SIAH3: variants seen among roughly 807,000 people sequenced by gnomAD.
SIAH3 encodes the protein siah E3 ubiquitin protein ligase family member 3.
In SIAH3, 9 loss-of-function variants were observed where a neutral mutation model predicts 12.6. That is an observed-to-expected ratio of 0.72 (90% CI 0.43 to 1.25). The LOEUF (loss-of-function observed/expected upper bound fraction) is 1.25, where lower values mean the gene tolerates loss of function less well. Ranked by LOEUF, SIAH3 falls within the 50% of genes most tolerant of loss-of-function variation. The pLI, the probability that SIAH3 is intolerant of heterozygous loss-of-function variation, is 0.00. For missense variants in SIAH3, 390 were observed against 365.4 expected (o/e 1.07, Z -0.55); for synonymous variants, 154 against 151.1 (o/e 1.02, Z -0.14).
intron 1 of SIAH3, among the ~76,000 whole-genome samples, chr13:45,818,039 G>A (rs1950640567): frequency 6.6e-6 from 1 of 152,160 alleles, no homozygotes; most frequent in Non-Finnish European, 1.5e-5. Flanking sequence ...GCCCTAGAGG[G>A]AGCTATTGAC....
At chr13:45,824,912 C>G (rs901806442) in intron 1 of SIAH3, among the ~76,000 whole-genome samples, 1 of 151,508 alleles carries the variant, frequency 6.6e-6, no homozygotes, top group Non-Finnish European at 1.5e-5. Context: ...AACCAAAAAA[C>G]CAAAAAAAGA....
rs545925618 is a variant in SIAH3, at chr13:45,796,938, G to T, written c.136-12881C>A. Among the ~76,000 whole-genome samples, 565 of 152,242 alleles carry T rather than the reference G, an allele frequency of 3.7e-3. 2 individuals are homozygous for T. Among genetic ancestry groups the T allele is most frequent in the African/African-American group, 0.012 (505 of 41,540 alleles). On this transcript the variant is annotated intron_variant, in intron 1 of 1. Transcript: ENST00000400405. The stretch of plus-strand genomic sequence containing the variant: ...TATTTAATAAAAATCTTAGGCTTGG[G>T]GGGCAGGGATGGGAAGGCAGAAGGG...
intron 1 of SIAH3, among the ~76,000 whole-genome samples, chr13:45,849,325 G>T (rs1053969182): frequency 3.3e-5 from 5 of 152,194 alleles, no homozygotes; most frequent in African/African-American, 1.2e-4. Context: ...AGTGAGCTAT[G>T]TCCTCTCAAA....
rs138466447 is a variant in SIAH3, at chr13:45,797,926, C to A, written c.136-13869G>T. ...GGGTCCATGGTTACTTTCATGATGG[C>A]GGTGATAGGGCTGCCCTATTCCAGG... On this transcript the variant is annotated intron_variant, in intron 1 of 1. Coordinates refer to ENST00000400405, the MANE Select transcript of SIAH3 (RefSeq NM_198849.3). Among the ~76,000 whole-genome samples, 728 of 152,216 alleles carry A rather than the reference C, an allele frequency of 4.8e-3. 4 individuals carry two copies. Among genetic ancestry groups the A allele is most frequent in the African/African-American group, 0.017 (692 of 41,538 alleles).
Position 45,844,125 on chromosome 13 carries a change from T to C in SIAH3, c.135+7370A>G, listed in dbSNP as rs140163753. Among the ~76,000 whole-genome samples the C allele has an allele frequency of 3.4e-3, 514 of 152,350 alleles. 5 individuals are homozygous for C. Among genetic ancestry groups the C allele is most frequent in the African/African-American group, 0.012 (483 of 41,588 alleles). On this transcript the variant is annotated intron_variant, in intron 1 of 1. Coordinates refer to ENST00000400405, the MANE Select transcript of SIAH3 (RefSeq NM_198849.3). Reference sequence around the variant, plus strand: ...TGTCTTATGTGGAAATGAAGTATGATTTAAAGAGATGCGTATGGGTGCTAA... The same window carrying C: ...TGTCTTATGTGGAAATGAAGTATGACTTAAAGAGATGCGTATGGGTGCTAA...
chr13:45,815,207 A>C (rs760388880), intron 1 of SIAH3, among the ~76,000 whole-genome samples: 33 of 151,864 alleles, frequency 2.2e-4, no homozygotes, highest in Admixed American at 1.9e-3. Context: ...TGGTACCCAG[A>C]TATTTGGTCA....
chr13:45,786,529 G>C (rs929860909), intron 1 of SIAH3, among the ~76,000 whole-genome samples: 1 of 152,138 alleles, frequency 6.6e-6, no homozygotes, highest in African/African-American at 2.4e-5. Context: ...ACTCTAATCT[G>C]TTTCACTGTT....
At chr13:45,794,523 A>G (rs1011399594) in intron 1 of SIAH3, among the ~76,000 whole-genome samples, 1 of 152,096 alleles carries the variant, frequency 6.6e-6, no homozygotes, top group African/African-American at 2.4e-5. Context: ...GTGTTGTGGG[A>G]GGGACCCGGT....
chr13:45,826,715 A>G (rs889118816), intron 1 of SIAH3, among the ~76,000 whole-genome samples: 2 of 152,152 alleles, frequency 1.3e-5, no homozygotes, highest in African/African-American at 4.8e-5. Flanking sequence ...CTAGGAGTTT[A>G]CAGTCCAGGA....
chr13:45,830,339 GAGA>G (rs59883973), intron 1 of SIAH3, among the ~76,000 whole-genome samples: 7,813 of 152,248 alleles, frequency 0.051, 608 homozygotes, highest in African/African-American at 0.17. Context: ...GCACTCTTGG[GAGA>G]AGGACAGACC....
At chr13:45,813,318 G>A (rs909252741) in intron 1 of SIAH3, among the ~76,000 whole-genome samples, 54 of 152,240 alleles carry the variant, frequency 3.5e-4, no homozygotes, top group Non-Finnish European at 2.4e-4. Context: ...TAAGGAGAGA[G>A]AGAGGATGGG....
chr13:45,836,146 A>C lies in SIAH3; in HGVS notation c.135+15349T>G, dbSNP rs537570777. On this transcript the variant is annotated intron_variant, in intron 1 of 1. Coordinates refer to ENST00000400405, the MANE Select transcript of SIAH3 (RefSeq NM_198849.3). ...TGCTTAAAATCAGTGAGAACGAGTGAGGCAGATAGAGGGGGTCAAGGATTA... is the reference window on the plus strand; with the variant it reads ...TGCTTAAAATCAGTGAGAACGAGTGCGGCAGATAGAGGGGGTCAAGGATTA... Among the ~76,000 whole-genome samples the C allele has an allele frequency of 1.7e-3, 263 of 152,330 alleles. 2 individuals are homozygous for C. Among genetic ancestry groups the C allele is most frequent in the Admixed American group, 3.3e-3 (51 of 15,308 alleles).
At chr13:45,848,656 C>T (rs943234912) in intron 1 of SIAH3, among the ~76,000 whole-genome samples, 22 of 152,152 alleles carry the variant, frequency 1.4e-4, no homozygotes, top group Non-Finnish European at 2.4e-4. Flanking sequence ...GCTGTTGGTT[C>T]GAATTCTCAG....
At chr13:45,818,154 G>T (rs1026856174) in intron 1 of SIAH3, among the ~76,000 whole-genome samples, 5 of 152,200 alleles carry the variant, frequency 3.3e-5, no homozygotes, top group Admixed American at 3.3e-4. Context: ...GGAGACTGCA[G>T]CCCACCTGCC....
intron 1 of SIAH3, among the ~76,000 whole-genome samples, chr13:45,802,281 G>A (rs1047619153): frequency 3.9e-5 from 6 of 152,136 alleles, no homozygotes; most frequent in Non-Finnish European, 7.3e-5. Context: ...TCTCCAGCCT[G>A]GGTGACAGAG....
In SIAH3 at chr13:45,782,127, A is replaced by G. The variant is rs1950506744; in HGVS notation, c.*1256T>C. 1 of 152,244 alleles carries G rather than the reference A, an allele frequency of 6.6e-6. No homozygotes were observed. The highest frequency in any genetic ancestry group is 6.5e-5 in the Admixed American group (1 of 15,286). The allele number at this position is 152,244 out of a possible 1,614,324, so 9.4% of individuals were successfully genotyped here. A position where few individuals can be genotyped will look rare whatever the true frequency, so the allele number is the denominator to read the frequency against. On this transcript the variant is annotated 3_prime_UTR_variant, in exon 2 of 2. Coordinates refer to ENST00000400405, the MANE Select transcript of SIAH3 (RefSeq NM_198849.3). ...CATGCTGACTTTCTTCAAATACACGAGAGACTTCTACAAGAAGATGTTGAT... is the reference window on the plus strand; with the variant it reads ...CATGCTGACTTTCTTCAAATACACGGGAGACTTCTACAAGAAGATGTTGAT...
rs79690642 is a variant in SIAH3 at position 45,795,325 on chromosome 13, G to A, written c.136-11268C>T. ...TTTAAGGATGATGTTTATGTGAACAGCATCTCAGTCACCCACATTCCTCAT... is the reference window on the plus strand; with the variant it reads ...TTTAAGGATGATGTTTATGTGAACAACATCTCAGTCACCCACATTCCTCAT... On this transcript the variant is annotated intron_variant, in intron 1 of 1. Coordinates refer to ENST00000400405, the MANE Select transcript of SIAH3 (RefSeq NM_198849.3). Among the ~76,000 whole-genome samples the A allele has an allele frequency of 5.1e-3, 776 of 152,298 alleles. 6 individuals carry two copies. Among genetic ancestry groups the A allele is most frequent in the Non-Finnish European group, 7.4e-3 (504 of 68,026 alleles).
intron 1 of SIAH3, among the ~76,000 whole-genome samples, chr13:45,789,868 T>A (rs1950540555): frequency 6.6e-6 from 1 of 152,230 alleles, no homozygotes; most frequent in African/African-American, 2.4e-5. Context: ...TCACGTCAGA[T>A]GCTGCTAGTT....
intron 1 of SIAH3, among the ~76,000 whole-genome samples, chr13:45,842,247 T>C (rs1950742618): frequency 6.6e-6 from 1 of 152,192 alleles, no homozygotes; most frequent in African/African-American, 2.4e-5. Flanking sequence ...GTGCATCAGG[T>C]AACATCTCTG....
Sources: allele counts gnomAD v4.1 joint callset (sites outside exome capture counted in the v4.1 genomes callset), GRCh38; gene constraint gnomAD v4.1.1; transcripts MANE v1.5; gene names NCBI Gene and HGNC (gene_info 2026-07-23, HGNC 2026-07-21).